FSIP1: variants seen among roughly 807,000 people sequenced by gnomAD.
FSIP1 encodes fibrous sheath interacting protein 1, also known as fibrous sheath-interacting protein 1.
Under a neutral mutation model 60.9 loss-of-function variants are expected in FSIP1, and 65 were observed. The ratio of observed to expected loss-of-function variants is 1.07; its 90% CI spans 0.87 to 1.31. The LOEUF (loss-of-function observed/expected upper bound fraction) is 1.31. Ranked by LOEUF, FSIP1 falls within the 40% of genes most tolerant of loss-of-function variation. FSIP1 has a pLI of 0.00. For synonymous variants in FSIP1, 209 were observed against 221.2 expected, an observed-to-expected ratio of 0.94 and a Z score of 0.49; for missense variants, 675 against 665.5, an observed-to-expected ratio of 1.01 and a Z score of -0.16.
chr15:39,643,770 A>G (rs1162275664), intron 10 of FSIP1, among the ~76,000 whole-genome samples: 3 of 152,252 alleles, frequency 2.0e-5, no homozygotes, highest in Non-Finnish European at 4.4e-5. Context: ...GCAAGTTGCT[A>G]CATCCATAAC....
intron 10 of FSIP1, among the ~76,000 whole-genome samples, chr15:39,688,163 A>G (rs1275348432): frequency 6.6e-6 from 1 of 152,222 alleles, no homozygotes; most frequent in Non-Finnish European, 1.5e-5. Flanking sequence ...TGCATTCACA[A>G]AATACACACC....
chr15:39,647,862 C>A (rs1487077821), intron 10 of FSIP1, among the ~76,000 whole-genome samples: 6 of 152,010 alleles, frequency 3.9e-5, no homozygotes, highest in Non-Finnish European at 8.8e-5. Flanking sequence ...GGGAAAAATA[C>A]TGCATGACAT....
intron 9 of FSIP1, among the ~76,000 whole-genome samples, chr15:39,714,224 G>T (rs1228184304): frequency 6.6e-6 from 1 of 152,100 alleles, no homozygotes; most frequent in African/African-American, 2.4e-5. Flanking sequence ...AAAAGACTAA[G>T]TATTACATAA....
chr15:39,652,397 CTTTG>C (rs1227406535), intron 10 of FSIP1, among the ~76,000 whole-genome samples: 1 of 152,120 alleles, frequency 6.6e-6, no homozygotes, highest in Non-Finnish European at 1.5e-5. Context: ...CAGAGCAGTA[CTTTG>C]TTAGTTATAT....
intron 10 of FSIP1, among the ~76,000 whole-genome samples, chr15:39,619,013 G>A (rs940444912): frequency 2.0e-5 from 3 of 152,080 alleles, no homozygotes; most frequent in African/African-American, 7.2e-5. Context: ...TCTAGGAAAA[G>A]ACTAATCCTC....
chr15:39,740,860 A>C (rs1341272692), intron 6 of FSIP1, among the ~76,000 whole-genome samples: 1 of 152,152 alleles, frequency 6.6e-6, no homozygotes, highest in African/African-American at 2.4e-5. Flanking sequence ...TGAGTAAAAA[A>C]AAATTTTACT....
intron 10 of FSIP1, among the ~76,000 whole-genome samples, chr15:39,711,279 C>T (rs183829727): frequency 3.9e-5 from 6 of 152,164 alleles, no homozygotes; most frequent in Admixed American, 3.3e-4. Flanking sequence ...CTTCTCACTA[C>T]GTCCTCACAT....
At chr15:39,735,923 C>T (rs1447655042) in intron 8 of FSIP1, among the ~76,000 whole-genome samples, 2 of 152,324 alleles carry the variant, frequency 1.3e-5, no homozygotes, top group East Asian at 3.9e-4. Context: ...CACTCCATAT[C>T]TTGTCCCACT....
intron 10 of FSIP1, among the ~76,000 whole-genome samples, chr15:39,682,051 T>C (rs1488880139): frequency 1.3e-5 from 2 of 152,186 alleles, no homozygotes; most frequent in Non-Finnish European, 2.9e-5. Flanking sequence ...GGCCAAAATT[T>C]AACTGAAAGC....
rs4338773 is a variant in FSIP1 at position 39,646,426 on chromosome 15, G to A, written c.1189-28181C>T. 1.5e-4 allele frequency among the ~76,000 whole-genome samples: 21 copies of A among 142,606 alleles called. 1 individual carries two copies. Among genetic ancestry groups the A allele is most frequent in the Non-Finnish European group, 2.6e-4 (17 of 66,662 alleles). 93.6% of individuals were successfully genotyped at this position (142,606 alleles called of 152,430 possible). ...TCTCCTAACACTACTGGTTTGGGCC[G>A]TAATCCCAGCACTCTGAGAAGCTGA... On this transcript the variant is annotated intron_variant, in intron 10 of 11. Coordinates refer to ENST00000350221, the MANE Select transcript of FSIP1 (RefSeq NM_152597.5).
intron 11 of FSIP1, among the ~76,000 whole-genome samples, chr15:39,609,798 C>T (rs145672159): frequency 5.3e-5 from 8 of 152,344 alleles, no homozygotes; most frequent in African/African-American, 1.7e-4. Context: ...AGTAGCTCCA[C>T]CTTAACTGTG....
At chr15:39,701,244 G>T (rs555002298) in intron 10 of FSIP1, among the ~76,000 whole-genome samples, 1 of 152,154 alleles carries the variant, frequency 6.6e-6, no homozygotes, top group African/African-American at 2.4e-5. Flanking sequence ...AAAAGTTGGG[G>T]TGATAAGAAT....
downstream of FSIP1, chr15:39,599,249 C>CCA (rs1566845005): frequency 7.9e-5 from 12 of 152,286 alleles, no homozygotes; most frequent in African/African-American, 2.9e-4. Flanking sequence ...TGTTGAATTA[C>CCA]GTTACAGACT....
chr15:39,610,298 G>A (rs938088875), intron 11 of FSIP1, among the ~76,000 whole-genome samples: 3 of 152,156 alleles, frequency 2.0e-5, no homozygotes, highest in Non-Finnish European at 4.4e-5. Flanking sequence ...GTGGAAATAT[G>A]ACAACATCCA....
At chr15:39,675,584 C>T (rs80279395) in intron 10 of FSIP1, among the ~76,000 whole-genome samples, 1,642 of 152,206 alleles carry the variant, frequency 0.011, 23 homozygotes, top group African/African-American at 0.038. Context: ...GAAAAATTAA[C>T]TCCTGAAAGA....
intron 2 of FSIP1, 72 bp from the exon 3 acceptor site, chr15:39,770,682 A>G (rs1897856512): frequency 1.0e-6 from 1 of 975,906 alleles, no homozygotes; most frequent in African/African-American, 1.7e-5. Flanking sequence ...TTTCTAGAAT[A>G]TTTTGACACT....
At chr15:39,694,682 C>T (rs1894739994) in intron 10 of FSIP1, among the ~76,000 whole-genome samples, 1 of 151,988 alleles carries the variant, frequency 6.6e-6, no homozygotes, top group Admixed American at 6.6e-5. Context: ...TGCCTCTAAT[C>T]CCAGCTACTC....
chr15:39,634,620 C>A (rs184635594), intron 10 of FSIP1, among the ~76,000 whole-genome samples: 18 of 152,364 alleles, frequency 1.2e-4, no homozygotes, highest in East Asian at 1.2e-3. Flanking sequence ...AGAACTGCAA[C>A]TTTCTCAAAC....
At chr15:39,719,553 G>A (rs551308140) in intron 9 of FSIP1, among the ~76,000 whole-genome samples, 10 of 152,288 alleles carry the variant, frequency 6.6e-5, no homozygotes, top group South Asian at 4.1e-4. Flanking sequence ...CAAATTACCC[G>A]CAGCTTCGTA....
Sources: allele counts gnomAD v4.1 joint callset (sites outside exome capture counted in the v4.1 genomes callset), GRCh38; gene constraint gnomAD v4.1.1; transcripts MANE v1.5; gene names NCBI Gene and HGNC (gene_info 2026-07-23, HGNC 2026-07-21).